UBE2F: variants seen among roughly 807,000 people sequenced by gnomAD.
The protein encoded by UBE2F is NEDD8-conjugating enzyme UBE2F.
UBE2F carries 5 observed loss-of-function variants against 29.6 expected under a neutral mutation model. That is an observed-to-expected ratio of 0.17 (90% confidence interval 0.09 to 0.36). The LOEUF (loss-of-function observed/expected upper bound fraction) is 0.36, where lower values mean the gene tolerates loss of function less well. UBE2F is among the 10% of genes least tolerant of loss of function. The pLI is 1.00. For missense variants in UBE2F, 141 were observed against 228.5 expected, an observed-to-expected ratio of 0.62 and a Z score of 2.47; for synonymous variants, 66 against 81.8, an observed-to-expected ratio of 0.81 and a Z score of 1.04.
intron 9 of UBE2F, among the ~76,000 whole-genome samples, chr2:238,038,856 G>A (rs963805888): frequency 6.6e-6 from 1 of 152,212 alleles, no homozygotes; most frequent in African/African-American, 2.4e-5. Flanking sequence ...TGCCAGGGGA[G>A]GTGCAAAGTG....
At chr2:237,991,737 G>C (rs576545368) in intron 3 of UBE2F, among the ~76,000 whole-genome samples, 14 of 151,284 alleles carry the variant, frequency 9.3e-5, no homozygotes, top group African/African-American at 3.4e-4. Context: ...TGAGTAGCTG[G>C]GATTACAGGT....
chr2:238,035,622 C>A, intron 8 of UBE2F: 1 of 397,416 alleles, frequency 2.5e-6, no homozygotes, highest in Non-Finnish European at 4.5e-6. Context: ...ACTCCATCTT[C>A]ACCAAACTTT....
chr2:238,041,238 C>A, intron 9 of UBE2F, 50 bp from the exon 10 acceptor site: 1 of 1,573,340 alleles, frequency 6.4e-7, no homozygotes, highest in Non-Finnish European at 8.8e-7. Flanking sequence ...TTCACTCACT[C>A]ACTCACTCCT....
chr2:238,030,474 C>G, intron 6 of UBE2F, 82 bp from the exon 7 acceptor site: 1 of 939,488 alleles, frequency 1.1e-6, no homozygotes, highest in Non-Finnish European at 1.7e-6. Flanking sequence ...TCCTGCATGG[C>G]ACACACCGAG....
intron 4 of UBE2F, among the ~76,000 whole-genome samples, chr2:237,998,606 C>T (rs1051969596): frequency 2.3e-5 from 3 of 127,812 alleles, no homozygotes; most frequent in African/African-American, 1.1e-4. Context: ...GTTTGACTGC[C>T]GTGAGCTTTT....
intron 1 of UBE2F, among the ~76,000 whole-genome samples, chr2:237,969,775 T>A (rs1461449810): frequency 6.6e-6 from 1 of 152,162 alleles, no homozygotes; most frequent in Non-Finnish European, 1.5e-5. Context: ...AGAGCTTGGC[T>A]CTAGATGGTG....
rs1180234713 is a variant in UBE2F, at chr2:237,973,191, G to A, written c.84G>A (p.Arg28=). 8 of 1,614,042 alleles carry A rather than the reference G, an allele frequency of 5.0e-6. No homozygotes were observed. The highest frequency in any genetic ancestry group is 6.8e-6 in the Non-Finnish European group (8 of 1,179,888). Residue 28 remains arginine, a synonymous_variant, in exon 2 of 10, where the codon CGG becomes CGA. Transcript: ENST00000272930. The part of the protein sequence containing the change: ...RTAATASDST[R]RVSVRDKLLV... ...CAGCCACAGCGTCCGACTCGACTCG[G>A]AGGGTTTCTGTGAGAGACAAATTGC... is the stretch of plus-strand genomic sequence containing the variant.
chr2:238,041,440 T>A lies in UBE2F; in HGVS notation c.*102T>A, dbSNP rs1478883804. On this transcript the variant is annotated 3_prime_UTR_variant, in exon 10 of 10. Coordinates refer to ENST00000272930, the MANE Select transcript of UBE2F (RefSeq NM_080678.3). ...CTCCCGTCCTCATGCTCCCTCTCAG[T>A]CCCCTGGATTGCCCCAGTCCTGTGA... The A allele has an allele frequency of 4.2e-6, 5 of 1,199,266 alleles. No individual in the cohort carries two copies. In the African/African-American group the frequency reaches 7.5e-5, roughly 18 times the overall value. The allele number at this position is 1,199,266 out of a possible 1,614,324, so 74.3% of individuals were successfully genotyped here. A position where few individuals can be genotyped will look rare whatever the true frequency, so the allele number is the denominator to read the frequency against.
At chr2:238,017,224 G>A (rs754761951) in intron 5 of UBE2F, among the ~76,000 whole-genome samples, 2 of 152,206 alleles carry the variant, frequency 1.3e-5, no homozygotes, top group African/African-American at 4.8e-5. Flanking sequence ...ATCAATGATA[G>A]GAAACTAGTT....
At chr2:238,036,134 G>A (rs1247845198) in intron 9 of UBE2F, among the ~76,000 whole-genome samples, 194 bp downstream of exon 9, 1 of 152,126 alleles carries the variant, frequency 6.6e-6, no homozygotes, top group Non-Finnish European at 1.5e-5. Context: ...ACCCAAGGTT[G>A]GAGAGAATTG....
intron 8 of UBE2F, 44 bp downstream of exon 8, chr2:238,032,298 G>A (rs769127928): frequency 7.1e-6 from 11 of 1,547,486 alleles, no homozygotes; most frequent in Middle Eastern, 1.7e-4. Flanking sequence ...CAATTTCCTT[G>A]TTGCTGGTTT....
At chr2:238,025,127 C>G in intron 5 of UBE2F, 2 of 552,128 alleles carry the variant, frequency 3.6e-6, no homozygotes, top group Non-Finnish European at 6.6e-6. Context: ...GACTTTGCTG[C>G]TGAGACTAGC....
Position 238,042,404 on chromosome 2 carries a change from C to T in UBE2F, c.*1066C>T, listed in dbSNP as rs1244736105. 6.6e-6 allele frequency: 1 copy of T among 152,288 alleles called. No homozygotes were observed. The highest frequency in any genetic ancestry group is 1.5e-5 in the Non-Finnish European group (1 of 68,088). 9.4% of individuals were successfully genotyped at this position (152,288 alleles called of 1,614,324 possible). ...TGGCCTTCTTCTGAGTTTGCTATGG[C>T]TCCAGGCCCTGCCGGTGGGGTGAGC... On this transcript the variant is annotated 3_prime_UTR_variant, in exon 10 of 10. Coordinates refer to ENST00000272930, the MANE Select transcript of UBE2F (RefSeq NM_080678.3).
intron 2 of UBE2F, among the ~76,000 whole-genome samples, chr2:237,983,044 A>G (rs1427851669): frequency 6.6e-6 from 1 of 152,190 alleles, no homozygotes; most frequent in African/African-American, 2.4e-5. Flanking sequence ...TATGTTACCC[A>G]AGCTGATATG....
chr2:238,036,663 T>G (rs2064716563), intron 9 of UBE2F, among the ~76,000 whole-genome samples: 1 of 152,122 alleles, frequency 6.6e-6, no homozygotes, highest in African/African-American at 2.4e-5. Flanking sequence ...GGCAAAACTC[T>G]GTCTTTACAA....
rs1297513568 is a variant in UBE2F at position 238,041,597 on chromosome 2, A to G, written c.*259A>G. ...TTACCTTAACATGTTTACTTTTTTG[A>G]ACTTGTACTGTATAGGCTGTTGGTG... is the stretch of plus-strand genomic sequence containing the variant. On this transcript the variant is annotated 3_prime_UTR_variant, in exon 10 of 10. Coordinates refer to ENST00000272930, the MANE Select transcript of UBE2F (RefSeq NM_080678.3). The G allele has an allele frequency of 4.4e-6, 2 of 449,494 alleles. No individual in the cohort carries two copies. Among genetic ancestry groups the G allele is most frequent in the African/African-American group, 2.0e-5 (1 of 50,470 alleles). The allele number at this position is 449,494 out of a possible 1,614,324, so 27.8% of individuals were successfully genotyped here. A position where few individuals can be genotyped will look rare whatever the true frequency, so the allele number is the denominator to read the frequency against.
chr2:237,988,526 G>T (rs1034985477), intron 3 of UBE2F, among the ~76,000 whole-genome samples: 3 of 151,072 alleles, frequency 2.0e-5, no homozygotes, highest in Non-Finnish European at 1.5e-5. Flanking sequence ...TAAGGCATTA[G>T]AGTCGCTTGA....
rs543810156 is a variant in UBE2F, at chr2:237,967,074, G to A, written c.-75G>A. On this transcript the variant is annotated 5_prime_UTR_variant, in exon 1 of 10. Transcript: ENST00000272930. The surrounding 1 kb of genome is among the most constrained non-coding windows in gnomAD (Gnocchi z 6.3). ...TGAGGGGCCGCGTCTCGCAGCAGCC[G>A]CCCGGACCGGGCATGGTGTTGGGCG... 4.3e-4 allele frequency: 572 copies of A among 1,331,540 alleles called. 7 individuals are homozygous for A. The South Asian group carries it at 8.9e-3, about 21-fold the overall frequency. 82.5% of individuals were successfully genotyped at this position (1,331,540 alleles called of 1,614,324 possible). A position where few individuals can be genotyped will look rare whatever the true frequency, so the allele number is the denominator to read the frequency against.
chr2:237,994,866 C>G, intron 4 of UBE2F, 57 bp downstream of exon 4: 1 of 1,395,006 alleles, frequency 7.2e-7, no homozygotes, highest in Non-Finnish European at 1.0e-6. Flanking sequence ...TAAAGGCTGC[C>G]CAAACCTGTA....
Sources: allele counts gnomAD v4.1 joint callset (sites outside exome capture counted in the v4.1 genomes callset), GRCh38; gene constraint gnomAD v4.1.1; non-coding constraint Gnocchi (gnomAD v3.1); transcripts MANE v1.5; gene names NCBI Gene and HGNC (gene_info 2026-07-23, HGNC 2026-07-21).